TRPM3: variants seen among roughly 807,000 people sequenced by gnomAD.
The protein encoded by TRPM3 is transient receptor potential cation channel subfamily M member 3, also known as long transient receptor potential channel 3.
Under a neutral mutation model 181.2 loss-of-function variants are expected in TRPM3, and 77 were observed. That is an observed-to-expected ratio of 0.42 (90% confidence interval 0.35 to 0.51). The LOEUF is 0.51. Among genes scored for constraint, TRPM3 ranks in the 20% least tolerant of loss-of-function variants. The pLI, the probability that TRPM3 is intolerant of heterozygous loss-of-function variation, is 0.01. For missense variants in TRPM3, 1,759 were observed against 2,196.7 expected, an observed-to-expected ratio of 0.80 and a Z score of 3.98; for synonymous variants, 745 against 796.4, an observed-to-expected ratio of 0.94 and a Z score of 1.09.
chr9:71,127,844 CT>C (rs2074140049), intron 1 of TRPM3, among the ~76,000 whole-genome samples: 1 of 152,126 alleles, frequency 6.6e-6, no homozygotes. Flanking sequence ...TCTTATCATG[CT>C]TTAGTGCCTT....
chr9:71,295,471 T>C (rs1311991423), intron 1 of TRPM3, among the ~76,000 whole-genome samples: 1 of 137,424 alleles, frequency 7.3e-6, no homozygotes, highest in Non-Finnish European at 1.6e-5. Flanking sequence ...TTTGGCTTCC[T>C]TTTTTTTTTT....
chr9:70,812,924 C>T (rs78100088), intron 6 of TRPM3, among the ~76,000 whole-genome samples: 1,784 of 152,120 alleles, frequency 0.012, 31 homozygotes, highest in African/African-American at 0.04. Context: ...TCTTAATTAC[C>T]TTTCAGGACA....
intron 1 of TRPM3, among the ~76,000 whole-genome samples, chr9:70,962,037 T>C (rs2097141034): frequency 6.6e-6 from 1 of 152,062 alleles, no homozygotes; most frequent in African/African-American, 2.4e-5. Context: ...AGGAAGGAAA[T>C]GGTAGGAGAA....
intron 1 of TRPM3, among the ~76,000 whole-genome samples, chr9:71,394,432 G>A (rs1179649350): frequency 6.6e-6 from 1 of 152,126 alleles, no homozygotes; most frequent in Non-Finnish European, 1.5e-5. Context: ...GATAAAACAT[G>A]TATTTGTTTA....
intron 19 of TRPM3, among the ~76,000 whole-genome samples, chr9:70,606,342 CT>C (rs1290777887): frequency 6.6e-6 from 1 of 151,442 alleles, no homozygotes; most frequent in African/African-American, 2.4e-5. Flanking sequence ...CACCTCTCTT[CT>C]TTTTTTTTAA....
chr9:71,364,433 A>C (rs1386595918), intron 1 of TRPM3, among the ~76,000 whole-genome samples: 1 of 152,250 alleles, frequency 6.6e-6, no homozygotes, highest in Admixed American at 6.5e-5. Flanking sequence ...TAAAATGTGC[A>C]TGTGGTGGGC....
chr9:71,038,879 C>G (rs535413726), intron 1 of TRPM3, among the ~76,000 whole-genome samples: 7 of 152,236 alleles, frequency 4.6e-5, no homozygotes, highest in Admixed American at 3.9e-4. Flanking sequence ...TGATGTCCCA[C>G]AGCAGAAAGA....
chr9:70,546,345 G>C (rs1375353063), intron 25 of TRPM3, among the ~76,000 whole-genome samples: 1 of 152,114 alleles, frequency 6.6e-6, no homozygotes, highest in Non-Finnish European at 1.5e-5. Flanking sequence ...GAAACTCTAG[G>C]GGTAGGAAGG....
chr9:71,087,875 A>G (rs2065546548), intron 1 of TRPM3, among the ~76,000 whole-genome samples: 1 of 152,140 alleles, frequency 6.6e-6, no homozygotes, highest in African/African-American at 2.4e-5. Context: ...ATACAAAGCA[A>G]TTAAGTATTA....
intron 11 of TRPM3, among the ~76,000 whole-genome samples, chr9:70,638,053 G>T (rs1198188743): frequency 1.2e-4 from 19 of 152,094 alleles, no homozygotes; most frequent in Admixed American, 1.2e-3. Flanking sequence ...CCTTTGGGAG[G>T]TGATTAGGTC....
intron 1 of TRPM3, among the ~76,000 whole-genome samples, chr9:71,310,757 T>C (rs1207397572): frequency 1.3e-5 from 2 of 152,134 alleles, no homozygotes; most frequent in Non-Finnish European, 2.9e-5. Flanking sequence ...CACCTCGACA[T>C]GCTCTGGCTT....
chr9:71,199,292 T>G (rs1306774461), intron 1 of TRPM3, among the ~76,000 whole-genome samples: 1 of 152,078 alleles, frequency 6.6e-6, no homozygotes, highest in Non-Finnish European at 1.5e-5. Context: ...TTATTGAGGA[T>G]TTTTGCATCA....
At chr9:71,280,348 T>C (rs374666486) in intron 1 of TRPM3, among the ~76,000 whole-genome samples, 1 of 152,118 alleles carries the variant, frequency 6.6e-6, no homozygotes, top group Non-Finnish European at 1.5e-5. Context: ...AAACAGAATG[T>C]TTGTGGAAAA....
intron 25 of TRPM3, among the ~76,000 whole-genome samples, chr9:70,541,581 G>A (rs1444562552): frequency 6.8e-6 from 1 of 147,192 alleles, no homozygotes; most frequent in Non-Finnish European, 1.5e-5. Context: ...GTGCGATCTC[G>A]GTTCACCCCA....
intron 1 of TRPM3, among the ~76,000 whole-genome samples, chr9:71,070,962 G>C (rs1341797880): frequency 6.6e-6 from 1 of 152,136 alleles, no homozygotes; most frequent in Non-Finnish European, 1.5e-5. Context: ...CTGTATTAGT[G>C]AGTCTCTAGA....
intron 1 of TRPM3, among the ~76,000 whole-genome samples, chr9:70,984,697 A>G (rs1268422840): frequency 6.6e-6 from 1 of 152,214 alleles, no homozygotes; most frequent in Non-Finnish European, 1.5e-5. Context: ...TCCCACTCCA[A>G]TGCTGGAAGA....
intron 7 of TRPM3, among the ~76,000 whole-genome samples, chr9:70,763,186 T>C (rs2078466207): frequency 6.6e-6 from 1 of 151,972 alleles, no homozygotes; most frequent in Admixed American, 6.6e-5. Flanking sequence ...CTTCCCCCAC[T>C]CCTACAAAGT....
intron 1 of TRPM3, among the ~76,000 whole-genome samples, chr9:70,903,390 C>T (rs929664113): frequency 2.6e-5 from 4 of 152,138 alleles, no homozygotes; most frequent in South Asian, 2.1e-4. Flanking sequence ...GGAAATGCCA[C>T]GTTGGCGCCC....
At chr9:70,660,489 T>C (rs2060968407) in intron 9 of TRPM3, among the ~76,000 whole-genome samples, 1 of 152,078 alleles carries the variant, frequency 6.6e-6, no homozygotes, top group African/African-American at 2.4e-5. Flanking sequence ...TTGACTGATG[T>C]TTCATGTCTC....
Sources: allele counts gnomAD v4.1 joint callset (sites outside exome capture counted in the v4.1 genomes callset), GRCh38; gene constraint gnomAD v4.1.1; transcripts MANE v1.5; gene names NCBI Gene and HGNC (gene_info 2026-07-23, HGNC 2026-07-21).